CCDC3: variants seen among roughly 807,000 people sequenced by gnomAD.
The protein encoded by CCDC3 is coiled-coil domain-containing protein 3.
CCDC3 carries 24 observed loss-of-function variants against 21.4 expected under a neutral mutation model. The ratio of observed to expected loss-of-function variants is 1.12; its 90% CI spans 0.81 to 1.58. The LOEUF is 1.58. Among genes scored for constraint, CCDC3 ranks in the 40% most tolerant of loss-of-function variants. The pLI is 0.00. For synonymous variants in CCDC3, 186 were observed against 166.0 expected (o/e 1.12, Z -0.93); for missense variants, 425 against 360.9 (o/e 1.18, Z -1.44).
At chr10:13,047,909 C>T (rs1484078023) in intron 5 of CCDC3, among the ~76,000 whole-genome samples, 1 of 152,176 alleles carries the variant, frequency 6.6e-6, no homozygotes, top group Non-Finnish European at 1.5e-5. Context: ...CTCTGCCTTT[C>T]TCCAAAGACG....
At chr10:13,063,645 C>T (rs892451697) in intron 4 of CCDC3, among the ~76,000 whole-genome samples, 2 of 152,196 alleles carry the variant, frequency 1.3e-5, no homozygotes, top group African/African-American at 4.8e-5. Flanking sequence ...AGTCGCCTAG[C>T]GCCAGAGTCT....
At chr10:12,967,231 G>C (rs976540111) in intron 2 of CCDC3, among the ~76,000 whole-genome samples, 1 of 152,200 alleles carries the variant, frequency 6.6e-6, no homozygotes, top group African/African-American at 2.4e-5. Flanking sequence ...ACAGCTCCAA[G>C]AGGTGACTTC....
At chr10:13,081,163 T>TA (rs35141816) in intron 3 of CCDC3, among the ~76,000 whole-genome samples, 7,585 of 128,402 alleles carry the variant, frequency 0.059, 263 homozygotes, top group Non-Finnish European at 0.087. Flanking sequence ...AACTATAAAG[T>TA]AAAAAAAAAA....
chr10:12,931,208 CAAAAAA>C (rs67541166), intron 2 of CCDC3, among the ~76,000 whole-genome samples: 183 of 75,048 alleles, frequency 2.4e-3, no homozygotes, highest in African/African-American at 3.5e-3. Context: ...AAGACTCTGT[CAAAAAA>C]AAAAAAAAAA....
chr10:13,085,978 A>AG (rs1256785192), intron 3 of CCDC3, among the ~76,000 whole-genome samples: 1 of 151,940 alleles, frequency 6.6e-6, no homozygotes, highest in Non-Finnish European at 1.5e-5. Flanking sequence ...AAAAAAAAAA[A>AG]AAGAAAGAAA....
At chr10:12,979,936 A>G (rs576406655) in intron 2 of CCDC3, among the ~76,000 whole-genome samples, 19 of 152,244 alleles carry the variant, frequency 1.2e-4, no homozygotes, top group Non-Finnish European at 2.1e-4. Context: ...TGATAGCCTT[A>G]ATAGTTTAAT....
intron 2 of CCDC3, among the ~76,000 whole-genome samples, chr10:12,925,915 CAGAACAAA>C (rs1834529616): frequency 6.6e-6 from 1 of 152,232 alleles, no homozygotes; most frequent in African/African-American, 2.4e-5. Context: ...AAAGAACAGG[CAGAACAAA>C]AGCTGGGGTT....
chr10:13,057,452 T>G (rs1204124720), intron 4 of CCDC3, among the ~76,000 whole-genome samples: 1 of 144,456 alleles, frequency 6.9e-6, no homozygotes, highest in Non-Finnish European at 1.5e-5. Context: ...GGACAGTGTT[T>G]CTTCTTTTGT....
At position 13,043,075 on chromosome 10, in the gene CCDC3, A is replaced by G. The variant is rs185140799; in HGVS notation, c.-2+6599T>C. On this transcript the variant is annotated intron_variant, in intron 5 of 6. Transcript: ENST00000378839. ...AGGAAAACTTTTAAAAAATAATTTC[A>G]ATTTTTATTTTAGGCTTAGGGGGTA... is the stretch of plus-strand genomic sequence containing the variant. Among the ~76,000 whole-genome samples the G allele has an allele frequency of 6.3e-3, 963 of 151,856 alleles. 9 individuals carry two copies. The highest frequency in any genetic ancestry group is 7.3e-3 in the Non-Finnish European group (496 of 67,764).
intron 2 of CCDC3, among the ~76,000 whole-genome samples, chr10:12,971,782 T>C (rs1005188991): frequency 6.6e-6 from 1 of 152,098 alleles, no homozygotes; most frequent in Non-Finnish European, 1.5e-5. Flanking sequence ...GCCTCCCAGG[T>C]TCAAGCGATT....
rs566402739 is a variant in CCDC3 at position 12,925,790 on chromosome 10, T to G, written c.550-27111A>C. Reference sequence around the variant, plus strand: ...TTACATTTTCCCCAAAACATCTAACTCCACATCTCATGAAATTCTCAATTC... The same window carrying G: ...TTACATTTTCCCCAAAACATCTAACGCCACATCTCATGAAATTCTCAATTC... On this transcript the variant is annotated intron_variant, in intron 2 of 2. Coordinates refer to ENST00000378825, the MANE Select transcript of CCDC3 (RefSeq NM_031455.4). 9.8e-5 allele frequency among the ~76,000 whole-genome samples: 15 copies of G among 152,314 alleles called. No homozygotes were observed. In the South Asian group the frequency reaches 3.1e-3, roughly 32 times the overall value.
intron 5 of CCDC3, among the ~76,000 whole-genome samples, chr10:13,032,041 A>C (rs538612387): frequency 2.0e-5 from 3 of 152,324 alleles, no homozygotes; most frequent in South Asian, 4.1e-4. Context: ...ACAACCAAAA[A>C]AGAGAATTTT....
intron 2 of CCDC3, among the ~76,000 whole-genome samples, chr10:12,926,517 G>A (rs984003315): frequency 2.0e-5 from 3 of 152,174 alleles, no homozygotes; most frequent in African/African-American, 7.2e-5. Context: ...TATGGAGAGG[G>A]CTTGCTTTCC....
chr10:13,011,041 C>A (rs953523108), intron 5 of CCDC3, among the ~76,000 whole-genome samples: 1 of 151,924 alleles, frequency 6.6e-6, no homozygotes. Flanking sequence ...TTAGCTGGGC[C>A]GCGGTGGTGC....
intron 5 of CCDC3, among the ~76,000 whole-genome samples, chr10:13,024,787 A>G (rs1200954044): frequency 1.3e-5 from 2 of 152,146 alleles, no homozygotes; most frequent in African/African-American, 4.8e-5. Context: ...CCACAAGTTT[A>G]TTAGGTATGT....
chr10:12,982,013 C>T (rs143159651), intron 2 of CCDC3, among the ~76,000 whole-genome samples: 181 of 147,174 alleles, frequency 1.2e-3, no homozygotes, highest in African/African-American at 4.1e-3. Context: ...GTCCCAGCTA[C>T]TTGGAGGCTG....
At chr10:12,919,744 GC>G (rs567159156) in intron 2 of CCDC3, among the ~76,000 whole-genome samples, 1 of 147,434 alleles carries the variant, frequency 6.8e-6, no homozygotes, top group Non-Finnish European at 1.5e-5. Context: ...CCCACAGAGT[GC>G]CCGGGGTGGG....
At chr10:13,064,014 G>A (rs1248022589) in intron 4 of CCDC3, among the ~76,000 whole-genome samples, 15 of 150,996 alleles carry the variant, frequency 9.9e-5, no homozygotes, top group African/African-American at 2.7e-4. Flanking sequence ...TGCAACCTCC[G>A]CCTCCCTGAT....
At chr10:13,070,091 A>G (rs966635591) in intron 4 of CCDC3, among the ~76,000 whole-genome samples, 1 of 128,778 alleles carries the variant, frequency 7.8e-6, no homozygotes, top group Non-Finnish European at 1.7e-5. Context: ...CTAAACTAAT[A>G]CAAAACTGAG....
Sources: allele counts gnomAD v4.1 joint callset (sites outside exome capture counted in the v4.1 genomes callset), GRCh38; gene constraint gnomAD v4.1.1; transcripts MANE v1.5; gene names NCBI Gene and HGNC (gene_info 2026-07-23, HGNC 2026-07-21).